Variants in GPX6 observed in about 807,000 individuals in gnomAD.
GPX6 encodes the protein glutathione peroxidase 6.
GPX6 carries 21 observed loss-of-function variants against 20.0 expected under a neutral mutation model. The observed-to-expected ratio is 1.05, with a 90% confidence interval of 0.74 to 1.51. GPX6 has a LOEUF of 1.51. Ranked by LOEUF, GPX6 falls within the 40% of genes most tolerant of loss-of-function variation. GPX6 has a pLI of 0.00. For missense variants in GPX6, 233 were observed against 254.7 expected (o/e 0.91, Z 0.58); for synonymous variants, 75 against 98.0 (o/e 0.77, Z 1.38).
At chr6:28,511,043 AT>A in intron 1 of GPX6, 139 bp from the exon 2 acceptor site, 1 of 700,832 alleles carries the variant, frequency 1.4e-6, no homozygotes, top group Non-Finnish European at 2.2e-6. Context: ...TCCAAGTAAA[AT>A]TTTTAGTTAG....
intron 1 of GPX6, among the ~76,000 whole-genome samples, chr6:28,512,013 G>A (rs1022397342): frequency 6.6e-6 from 1 of 152,248 alleles, no homozygotes; most frequent in African/African-American, 2.4e-5. Context: ...CTGGGCCTTA[G>A]CTGCCACCCC....
In GPX6 at chr6:28,509,426, C is replaced by T. The variant is rs866663737; in HGVS notation, c.241+1325G>A. Among the ~76,000 whole-genome samples, 5 of 151,484 alleles carry T rather than the reference C, an allele frequency of 3.3e-5. No individual in the cohort carries two copies. In the South Asian group the frequency reaches 1.0e-3, roughly 32 times the overall value. On this transcript the variant is annotated intron_variant, in intron 2 of 4. Transcript: ENST00000361902. ...GTGCATGCCTGTAATCACAGCTACT[C>T]GGGAGGCTGAGGCACAAGAATCACT... is the stretch of plus-strand genomic sequence containing the variant.
intron 1 of GPX6, among the ~76,000 whole-genome samples, chr6:28,513,181 A>G (rs1762940415): frequency 6.6e-6 from 1 of 152,160 alleles, no homozygotes; most frequent in Admixed American, 6.5e-5. Context: ...CTTATTCTCC[A>G]TGCCCACGTG....
chr6:28,511,918 G>A (rs1374768639), intron 1 of GPX6, among the ~76,000 whole-genome samples: 1 of 152,288 alleles, frequency 6.6e-6, no homozygotes, highest in Non-Finnish European at 1.5e-5. Flanking sequence ...TGGGCTCAGC[G>A]GGCCCCGCAC....
intron 1 of GPX6, among the ~76,000 whole-genome samples, chr6:28,512,193 A>C (rs1464634002): frequency 6.6e-6 from 1 of 152,260 alleles, no homozygotes; most frequent in Non-Finnish European, 1.5e-5. Flanking sequence ...CGGGACTGGC[A>C]GGCAGCTCGG....
At chr6:28,513,481 G>T (rs540625467) in intron 1 of GPX6, among the ~76,000 whole-genome samples, 1 of 152,204 alleles carries the variant, frequency 6.6e-6, no homozygotes, top group Non-Finnish European at 1.5e-5. Context: ...CCCGTCGCAT[G>T]CCTTGTGAGA....
rs370993181 is a variant in GPX6 at position 28,507,143 on chromosome 6, G to C, written c.242-714C>G. Among the ~76,000 whole-genome samples, 19 of 152,300 alleles carry C rather than the reference G, an allele frequency of 1.2e-4. No homozygotes were observed. In the East Asian group the frequency reaches 3.5e-3, roughly 28 times the overall value. ...CTTTACTACTGTCAGGAACCTTCCA[G>C]CTTGTCTGTTTAGACTTGAATCATA... On this transcript the variant is annotated intron_variant, in intron 2 of 4. Transcript: ENST00000361902.
At chr6:28,515,459 C>A (rs1562004075) in intron 1 of GPX6, among the ~76,000 whole-genome samples, 198 bp downstream of exon 1, 1 of 152,162 alleles carries the variant, frequency 6.6e-6, no homozygotes, top group Non-Finnish European at 1.5e-5. Context: ...CTACTAGGTG[C>A]AGAGGAAAAG....
In GPX6 at chr6:28,510,831, A is replaced by C. The variant is rs374992726; in HGVS notation, c.161T>G (p.Ile54Ser). The change falls in exon 2 of 5, where the codon ATC (isoleucine) becomes AGC (serine). Residue 54 changes from isoleucine to serine, a missense_variant. By Grantham distance (142) the Ile-to-Ser change is moderately radical. Coordinates refer to ENST00000361902, the MANE Select transcript of GPX6 (RefSeq NM_182701.1). ...CTTGCCTGCAAACTGCTTGAATTGG[A>C]TGTACTCCTCGCCGTTGAGGGTGAG... is the stretch of plus-strand genomic sequence containing the variant. ...GALTLNGEEY[I>S]QFKQFAGKHV... The C allele has an allele frequency of 2.8e-5, 45 of 1,614,088 alleles. 1 individual carries two copies. In the South Asian group the frequency reaches 4.8e-4, roughly 17 times the overall value.
intron 1 of GPX6, among the ~76,000 whole-genome samples, chr6:28,515,061 C>T (rs1403380336): frequency 6.6e-6 from 1 of 152,182 alleles, no homozygotes; most frequent in African/African-American, 2.4e-5. Flanking sequence ...TTTGTCTCTA[C>T]CTCACCTCAT....
intron 1 of GPX6, among the ~76,000 whole-genome samples, chr6:28,512,798 G>T (rs144445348): frequency 6.6e-6 from 1 of 152,018 alleles, no homozygotes; most frequent in African/African-American, 2.4e-5. Flanking sequence ...CGAACCCACC[G>T]GGAGGAATGA....
intron 1 of GPX6, among the ~76,000 whole-genome samples, chr6:28,513,538 C>T (rs1033302948): frequency 3.9e-5 from 6 of 152,162 alleles, no homozygotes; most frequent in East Asian, 1.9e-4. Context: ...GAAAACTCAT[C>T]CTTGGCACCC....
intron 2 of GPX6, among the ~76,000 whole-genome samples, chr6:28,507,693 T>A (rs931643965): frequency 2.6e-5 from 4 of 152,208 alleles, no homozygotes; most frequent in African/African-American, 9.6e-5. Flanking sequence ...GCCTCCTGAG[T>A]AGTTGGGATT....
chr6:28,506,822 T>A (rs1474099575), intron 2 of GPX6, among the ~76,000 whole-genome samples: 1 of 151,466 alleles, frequency 6.6e-6, no homozygotes. Context: ...GATGAATTGA[T>A]CAAAAAAAAT....
chr6:28,509,840 A>G (rs990364499), intron 2 of GPX6, among the ~76,000 whole-genome samples: 3 of 152,242 alleles, frequency 2.0e-5, no homozygotes, highest in African/African-American at 7.2e-5. Flanking sequence ...CAGTCACACT[A>G]CACAGCCCTT....
chr6:28,505,883 C>T lies in GPX6; in HGVS notation c.360-81G>A, dbSNP rs564910792. ...ATAATGGCCACCACCAATTCACTAC[C>T]ACAGGAAATTCAAGATAAAGGGAAG... On this transcript the variant is annotated intron_variant, in intron 3 of 4. Coordinates refer to ENST00000361902, the MANE Select transcript of GPX6 (RefSeq NM_182701.1). 1.0e-4 allele frequency: 103 copies of T among 985,210 alleles called. 3 individuals are homozygous for T. In the East Asian group the frequency reaches 2.3e-3, roughly 22 times the overall value. The allele number at this position is 985,210 out of a possible 1,614,324, so 61.0% of individuals were successfully genotyped here. A position where few individuals can be genotyped will look rare whatever the true frequency, so the allele number is the denominator to read the frequency against.
At chr6:28,513,770 A>C (rs1762972276) in intron 1 of GPX6, among the ~76,000 whole-genome samples, 1 of 152,220 alleles carries the variant, frequency 6.6e-6, no homozygotes. Context: ...TGGGCTTCAC[A>C]GGATCTCAGT....
At chr6:28,510,423 T>C (rs1388019340) in intron 2 of GPX6, among the ~76,000 whole-genome samples, 1 of 152,222 alleles carries the variant, frequency 6.6e-6, no homozygotes, top group Admixed American at 6.5e-5. Flanking sequence ...CTATAGTAAG[T>C]CCTTTCTAAT....
Position 28,515,400 on chromosome 6 carries a change from TG to T in GPX6, c.87+256del, listed in dbSNP as rs1359587395. Among the ~76,000 whole-genome samples, 3 of 152,250 alleles carry T rather than the reference TG, an allele frequency of 2.0e-5. No individual in the cohort carries two copies. The East Asian group carries it at 5.8e-4, about 29-fold the overall frequency. On this transcript the variant is annotated intron_variant, in intron 1 of 4. Transcript: ENST00000361902. ...CAGGGGGAAGTGGCAAAGGGGAATG[TG>T]CTGAGGCAGCCCCCCAACCCCACTC...
Sources: gnomAD v4.1 joint callset for allele counts (sites outside exome capture counted in the v4.1 genomes callset) on GRCh38, gnomAD v4.1.1 for gene constraint, MANE v1.5 for transcripts, NCBI Gene and HGNC (gene_info 2026-07-23, HGNC 2026-07-21) for gene names.